The following SHANK2 variants were observed in gnomAD, a reference collection of about 807,000 sequenced individuals.
SHANK2 encodes the protein SH3 and multiple ankyrin repeat domains protein 2.
Under a neutral mutation model 133.7 loss-of-function variants are expected in SHANK2, and 43 were observed. That is an observed-to-expected ratio of 0.32 (90% CI 0.25 to 0.41). The LOEUF (loss-of-function observed/expected upper bound fraction) is 0.41. Among genes scored for constraint, SHANK2 ranks in the 10% least tolerant of loss-of-function variants. The pLI, the probability that SHANK2 is intolerant of heterozygous loss-of-function variation, is 1.00. For missense variants in SHANK2, 1,994 were observed against 2,235.8 expected, an observed-to-expected ratio of 0.89 and a Z score of 2.18; for synonymous variants, 1,017 against 952.8, an observed-to-expected ratio of 1.07 and a Z score of -1.24.
intron 14 of SHANK2, among the ~76,000 whole-genome samples, chr11:70,768,695 C>A (rs1555041964): frequency 3.3e-5 from 5 of 152,198 alleles, no homozygotes; most frequent in Non-Finnish European, 1.5e-5. Context: ...AGGTTTCCCT[C>A]ATCAGGAGAA....
At chr11:70,689,750 A>G (rs1408240906) in intron 15 of SHANK2, among the ~76,000 whole-genome samples, 5 of 152,232 alleles carry the variant, frequency 3.3e-5, no homozygotes, top group Non-Finnish European at 7.3e-5. Flanking sequence ...GTCCTGAATG[A>G]GTACAAACCT....
At chr11:71,217,724 A>C (rs782365585) in intron 2 of SHANK2, among the ~76,000 whole-genome samples, 1 of 152,258 alleles carries the variant, frequency 6.6e-6, no homozygotes, top group Non-Finnish European at 1.5e-5. Context: ...TTTTAACAAA[A>C]AAATTAAAAA....
intron 11 of SHANK2, among the ~76,000 whole-genome samples, chr11:70,876,178 A>G (rs1211923775): frequency 6.6e-6 from 1 of 151,834 alleles, no homozygotes; most frequent in Non-Finnish European, 1.5e-5. Context: ...ATATATACAT[A>G]TATACACACA....
intron 14 of SHANK2, among the ~76,000 whole-genome samples, chr11:70,773,259 C>A (rs1555043255): frequency 6.6e-6 from 1 of 152,184 alleles, no homozygotes; most frequent in East Asian, 1.9e-4. Flanking sequence ...AGGGCAGCGT[C>A]CTAAAGACAA....
At chr11:70,871,273 G>T (rs1246792304) in intron 11 of SHANK2, among the ~76,000 whole-genome samples, 1 of 152,236 alleles carries the variant, frequency 6.6e-6, no homozygotes, top group Non-Finnish European at 1.5e-5. Context: ...GGCTCGCCTG[G>T]TGGCAGGCTC....
At chr11:70,905,822 T>G (rs1555077855) in intron 10 of SHANK2, among the ~76,000 whole-genome samples, 1 of 151,252 alleles carries the variant, frequency 6.6e-6, no homozygotes, top group African/African-American at 2.4e-5. Flanking sequence ...TTTTTTTTTT[T>G]TTTTTTGAGA....
In SHANK2 at chr11:70,485,581, T is replaced by A; in HGVS notation, c.4712A>T (p.Asp1571Val). 2 of 1,613,788 alleles carry A rather than the reference T, an allele frequency of 1.2e-6. No homozygotes were observed. The highest frequency in any genetic ancestry group is 1.7e-6 in the Non-Finnish European group (2 of 1,180,010). Residue 1571 changes from aspartate to valine, a missense_variant, in exon 25 of 26, where the codon GAT becomes GTT. Coordinates refer to ENST00000601538, the MANE Select transcript of SHANK2 (RefSeq NM_012309.5). This position sits in a 1 kb window ranked among gnomAD's most constrained non-coding sequence, Gnocchi z 5.8. Reference sequence around the variant, plus strand: ...CGGGGGGATAACAAAGCTATCTACATCTTCTTCCACGAGCGCGTCTTGATA... The same window carrying A: ...CGGGGGGATAACAAAGCTATCTACAACTTCTTCCACGAGCGCGTCTTGATA... Reference protein sequence around the residue: ...ALYQDALVEEDVDSFVIPPPA... With the variant: ...ALYQDALVEEVVDSFVIPPPA...
At chr11:70,693,695 C>T (rs1555021593) in intron 15 of SHANK2, among the ~76,000 whole-genome samples, 1 of 152,136 alleles carries the variant, frequency 6.6e-6, no homozygotes, top group Non-Finnish European at 1.5e-5. Flanking sequence ...CCAGAATAGT[C>T]AGATCTTGAT....
chr11:70,679,308 G>T (rs1253538384), intron 15 of SHANK2, among the ~76,000 whole-genome samples: 1 of 152,216 alleles, frequency 6.6e-6, no homozygotes. Context: ...CACACAGCTG[G>T]CAAATGGCGG....
intron 10 of SHANK2, among the ~76,000 whole-genome samples, chr11:70,912,989 T>A (rs141572678): frequency 6.6e-6 from 1 of 151,910 alleles, no homozygotes; most frequent in Non-Finnish European, 1.5e-5. Context: ...TCTGGACTTA[T>A]CAATTTACAG....
At position 70,713,674 on chromosome 11, in the gene SHANK2, G is replaced by A. The variant is rs146016552; in HGVS notation, c.1778-14911C>T. Among the ~76,000 whole-genome samples the A allele has an allele frequency of 4.2e-3, 640 of 152,220 alleles. 7 individuals are homozygous for A. Among genetic ancestry groups the A allele is most frequent in the Middle Eastern group, 0.01 (3 of 294 alleles). On this transcript the variant is annotated intron_variant, in intron 14 of 25. Coordinates refer to ENST00000601538, the MANE Select transcript of SHANK2 (RefSeq NM_012309.5). ...CAGGCGGCAGAGCTGTCACAGCGCC[G>A]GGTGTCCGTCACAGCACCGGGTGTC... is the stretch of plus-strand genomic sequence containing the variant.
chr11:70,564,261 C>CT lies in SHANK2; in HGVS notation c.2062-61331dup, dbSNP rs782470967. Reference sequence around the variant, plus strand: ...TCTTCAAATATTTTTCTTTTCTTTTCTTTTTTTTTTTTTTTGAGATGGAGT... The same window carrying CT: ...TCTTCAAATATTTTTCTTTTCTTTTCTTTTTTTTTTTTTTTTGAGATGGAGT... On this transcript the variant is annotated intron_variant, in intron 17 of 25. Coordinates refer to ENST00000601538, the MANE Select transcript of SHANK2 (RefSeq NM_012309.5). 2.1e-3 allele frequency among the ~76,000 whole-genome samples: 319 copies of CT among 151,414 alleles called. 4 individuals carry two copies. Among genetic ancestry groups the CT allele is most frequent in the African/African-American group, 7.5e-3 (309 of 41,156 alleles).
intron 2 of SHANK2, among the ~76,000 whole-genome samples, chr11:71,216,319 C>G (rs1443699669): frequency 6.6e-6 from 1 of 152,162 alleles, no homozygotes; most frequent in South Asian, 2.1e-4. Flanking sequence ...TCATGCTAAA[C>G]GTGGTCAAGC....
intron 4 of SHANK2, among the ~76,000 whole-genome samples, chr11:71,114,730 G>A (rs1555100007): frequency 6.6e-6 from 1 of 152,090 alleles, no homozygotes; most frequent in Admixed American, 6.5e-5. Context: ...GGTTCTGTGC[G>A]TCCATGCCCC....
chr11:71,144,455 G>T (rs1315782136), intron 3 of SHANK2, among the ~76,000 whole-genome samples: 1 of 152,196 alleles, frequency 6.6e-6, no homozygotes, highest in Non-Finnish European at 1.5e-5. Context: ...GAATGGTCCA[G>T]CTATCTAATG....
At position 70,486,446 on chromosome 11, in the gene SHANK2, C is replaced by G. The variant is rs782471463; in HGVS notation, c.3847G>C (p.Glu1283Gln). 9 of 1,614,126 alleles carry G rather than the reference C, an allele frequency of 5.6e-6. No individual in the cohort carries two copies. The highest frequency in any genetic ancestry group is 3.4e-6 in the Non-Finnish European group (4 of 1,180,028). ...LRRQETENKY[E>Q]TDLGRDRKGD... is the part of the protein sequence containing the mutation. ...TTCCGGTCTCGGCCCAGGTCGGTCT[C>G]GTACTTGTTCTCCGTCTCCTGCCGC... Residue 1283 changes from glutamate (E) to glutamine (Q), a missense_variant, in exon 25 of 26, where the codon GAG becomes CAG. Glu to Gln is a conservative substitution (Grantham distance 29, BLOSUM62 2). Coordinates refer to ENST00000601538, the MANE Select transcript of SHANK2 (RefSeq NM_012309.5). The surrounding 1 kb of genome is among the most constrained non-coding windows in gnomAD (Gnocchi z 8.0).
chr11:71,063,343 T>C (rs1343228755), intron 9 of SHANK2, among the ~76,000 whole-genome samples: 3 of 152,224 alleles, frequency 2.0e-5, no homozygotes, highest in Non-Finnish European at 2.9e-5. Flanking sequence ...TTCCAGTTAG[T>C]TATTTTGAAA....
chr11:70,771,648 G>A (rs12800463), intron 14 of SHANK2, among the ~76,000 whole-genome samples: 16,745 of 152,118 alleles, frequency 0.11, 1,104 homozygotes, highest in South Asian at 0.28. Context: ...GAGGGGCGTG[G>A]AGCCGCGCTG....
intron 10 of SHANK2, among the ~76,000 whole-genome samples, chr11:70,918,336 G>A (rs1216197784): frequency 2.0e-5 from 3 of 152,150 alleles, no homozygotes; most frequent in African/African-American, 7.2e-5. Context: ...GAGAGAGGCC[G>A]ATTGGTATCA....
Sources: gnomAD v4.1 joint callset for allele counts (sites outside exome capture counted in the v4.1 genomes callset) on GRCh38, gnomAD v4.1.1 for gene constraint, Gnocchi (gnomAD v3.1) non-coding constraint, MANE v1.5 for transcripts, NCBI Gene and HGNC (gene_info 2026-07-23, HGNC 2026-07-21) for gene names.